Variants in FRMD6 observed in about 807,000 individuals in gnomAD.
FRMD6 encodes the protein FERM domain-containing protein 6.
In FRMD6, 37 loss-of-function variants were observed where a neutral mutation model predicts 73.2. The ratio of observed to expected loss-of-function variants is 0.51; its 90% CI spans 0.39 to 0.66. The LOEUF (loss-of-function observed/expected upper bound fraction) is 0.66. Ranked by LOEUF, FRMD6 falls within the 30% of genes least tolerant of loss-of-function variation. FRMD6 has a pLI of 0.00. For missense variants in FRMD6, 714 were observed against 780.5 expected, an observed-to-expected ratio of 0.91 and a Z score of 1.02; for synonymous variants, 273 against 282.2, an observed-to-expected ratio of 0.97 and a Z score of 0.33.
the FRMD6 span, chr14:51,454,914 A>G: frequency 6.6e-6 from 1 of 152,224 alleles, no homozygotes; most frequent in Non-Finnish European, 1.5e-5. Context: ...TGATCATCCC[A>G]TGAATTGAGC....
chr14:51,583,426 A>G (rs1888846833), intron 2 of FRMD6, among the ~76,000 whole-genome samples: 1 of 152,230 alleles, frequency 6.6e-6, no homozygotes, highest in South Asian at 2.1e-4. Context: ...CATTATCTAC[A>G]TGCACGAAAC....
chr14:51,654,374 C>T (rs546694646), intron 1 of FRMD6, among the ~76,000 whole-genome samples: 9 of 150,776 alleles, frequency 6.0e-5, no homozygotes, highest in African/African-American at 2.2e-4. Flanking sequence ...AAGCTTTTGG[C>T]TTTCTGAACT....
At chr14:51,459,904 T>TTTTTTTTTTTTTTTTTTTC in the FRMD6 span, among the ~76,000 whole-genome samples, 2 of 146,022 alleles carry the variant, frequency 1.4e-5, no homozygotes, top group Non-Finnish European at 3.0e-5. Flanking sequence ...TTTTTTTTTT[T>TTTTTTTTTTTTTTTTTTTC]ACAAACTTCG....
At chr14:51,486,716 G>A (rs1277633572), upstream of FRMD6, among the ~76,000 whole-genome samples, 2 of 152,212 alleles carry the variant, frequency 1.3e-5, no homozygotes. Flanking sequence ...GAAAGTGGAT[G>A]AGAAATTCTG....
intron 10 of FRMD6, 102 bp downstream of exon 10, chr14:51,715,601 A>G: frequency 1.1e-6 from 1 of 903,942 alleles, no homozygotes; most frequent in Non-Finnish European, 1.6e-6. Context: ...GGATTTTGGG[A>G]CTGGGACACT....
At chr14:51,545,610 C>T (rs1886427873) in intron 1 of FRMD6, among the ~76,000 whole-genome samples, 1 of 152,072 alleles carries the variant, frequency 6.6e-6, no homozygotes, top group African/African-American at 2.4e-5. Flanking sequence ...ATTTTACCAG[C>T]ACACCACTGC....
At chr14:51,429,051 AGAGAAGAG>A in the FRMD6 span, among the ~76,000 whole-genome samples, 1 of 110,690 alleles carries the variant, frequency 9.0e-6, no homozygotes, top group South Asian at 3.4e-4. Context: ...AGAAAAGGGA[AGAGAAGAG>A]GAGAAGAGAA....
At chr14:51,696,853 G>A (rs182436360) in intron 2 of FRMD6, among the ~76,000 whole-genome samples, 3 of 152,002 alleles carry the variant, frequency 2.0e-5, no homozygotes, top group African/African-American at 7.2e-5. Context: ...TAAGAGGAAA[G>A]CTTTCCTTGA....
At chr14:51,684,770 TA>T (rs1349558273) in intron 1 of FRMD6, among the ~76,000 whole-genome samples, 1 of 152,124 alleles carries the variant, frequency 6.6e-6, no homozygotes, top group Non-Finnish European at 1.5e-5. Flanking sequence ...GTGGCAAGTT[TA>T]AAAAACCCTT....
At chr14:51,664,158 C>A (rs978864608) in intron 1 of FRMD6, among the ~76,000 whole-genome samples, 1 of 152,158 alleles carries the variant, frequency 6.6e-6, no homozygotes, top group Non-Finnish European at 1.5e-5. Context: ...AGCATAGTGC[C>A]CCACTGGCCT....
intron 2 of FRMD6, among the ~76,000 whole-genome samples, chr14:51,573,857 C>G (rs1177534525): frequency 6.6e-6 from 1 of 152,166 alleles, no homozygotes. Flanking sequence ...CTGGTTGTCT[C>G]TCTAACCAAG....
chr14:51,544,983 G>A (rs762850013), intron 1 of FRMD6, among the ~76,000 whole-genome samples: 26 of 152,034 alleles, frequency 1.7e-4, no homozygotes, highest in Non-Finnish European at 3.1e-4. Context: ...GAACCATTTG[G>A]AAAGGGTTGT....
At chr14:51,415,711 T>A in the FRMD6 span, among the ~76,000 whole-genome samples, 1 of 152,226 alleles carries the variant, frequency 6.6e-6, no homozygotes, top group East Asian at 1.9e-4. Context: ...TTGATTGGGA[T>A]AGTTTCAGAA....
At chr14:51,428,994 TGGGAGAGAGAG>T in the FRMD6 span, among the ~76,000 whole-genome samples, 1 of 41,162 alleles carries the variant, frequency 2.4e-5, no homozygotes, top group Non-Finnish European at 4.6e-5. Context: ...AGAGAGAGGG[TGGGAGAGAGAG>T]GGGAGAGAGA....
At chr14:51,687,772 T>A (rs1469744768) in intron 1 of FRMD6, among the ~76,000 whole-genome samples, 1 of 152,208 alleles carries the variant, frequency 6.6e-6, no homozygotes, top group Non-Finnish European at 1.5e-5. Context: ...GTTTTAGGAA[T>A]TCATACCTTT....
At chr14:51,462,696 T>G in the FRMD6 span, among the ~76,000 whole-genome samples, 84 of 152,204 alleles carry the variant, frequency 5.5e-4, no homozygotes, top group African/African-American at 1.7e-3. Context: ...TTCATAAGAT[T>G]AAGCTTCTTT....
chr14:51,427,182 G>T, the FRMD6 span, among the ~76,000 whole-genome samples: 1 of 152,146 alleles, frequency 6.6e-6, no homozygotes, highest in African/African-American at 2.4e-5. Flanking sequence ...TTTATCTCAT[G>T]GGCTAGTTCC....
the FRMD6 span, among the ~76,000 whole-genome samples, chr14:51,476,524 A>G: frequency 6.6e-6 from 1 of 152,220 alleles, no homozygotes; most frequent in Admixed American, 6.5e-5. Flanking sequence ...AGGGAGTATG[A>G]AGACCCTTCA....
intron 2 of FRMD6, among the ~76,000 whole-genome samples, chr14:51,641,163 T>C (rs1891792623): frequency 1.3e-5 from 2 of 152,068 alleles, no homozygotes; most frequent in South Asian, 2.1e-4. Flanking sequence ...ATTTATTTAG[T>C]AGAGAGGGGG....
Sources: allele counts gnomAD v4.1 joint callset (sites outside exome capture counted in the v4.1 genomes callset), GRCh38; gene constraint gnomAD v4.1.1; transcripts MANE v1.5; gene names NCBI Gene and HGNC (gene_info 2026-07-23, HGNC 2026-07-21).